LPCAT3: variants seen among roughly 807,000 people sequenced by gnomAD.
LPCAT3 encodes lysophosphatidylcholine acyltransferase 3.
In LPCAT3, 21 loss-of-function variants were observed where a neutral mutation model predicts 63.4. That is an observed-to-expected ratio of 0.33 (90% confidence interval 0.23 to 0.48). LPCAT3 has a LOEUF of 0.48. Ranked by LOEUF, LPCAT3 falls within the 20% of genes least tolerant of loss-of-function variation. The probability of loss-of-function intolerance (pLI) is 0.99; values close to 1 mark genes in which losing one functional copy is unlikely to be tolerated. For synonymous variants in LPCAT3, 242 were observed against 227.5 expected (o/e 1.06, Z -0.58); for missense variants, 451 against 590.6 (o/e 0.76, Z 2.45).
At chr12:6,997,933 G>A (rs1946652507) in intron 1 of LPCAT3, among the ~76,000 whole-genome samples, 1 of 152,124 alleles carries the variant, frequency 6.6e-6, no homozygotes, top group Non-Finnish European at 1.5e-5. Context: ...TCACCATGTT[G>A]GCCAGGCTGG....
At chr12:6,992,758 T>C (rs1555155631) in intron 1 of LPCAT3, among the ~76,000 whole-genome samples, 3 of 152,198 alleles carry the variant, frequency 2.0e-5, no homozygotes, top group Non-Finnish European at 2.9e-5. Context: ...ACTGGTTTCA[T>C]TGGTTTTGAA....
At chr12:7,001,625 A>G (rs1377011739) in intron 1 of LPCAT3, 1 of 412,954 alleles carries the variant, frequency 2.4e-6, no homozygotes, top group African/African-American at 2.1e-5. Context: ...AGGTAGGCAG[A>G]GTTGGCTGGG....
intron 1 of LPCAT3, among the ~76,000 whole-genome samples, chr12:6,983,825 T>C (rs781953187): frequency 6.6e-6 from 1 of 152,272 alleles, no homozygotes; most frequent in East Asian, 1.9e-4. Flanking sequence ...TGCCAGACAT[T>C]TTCTCTTACT....
chr12:6,983,291 T>A, intron 2 of LPCAT3, 141 bp downstream of exon 2: 1 of 657,494 alleles, frequency 1.5e-6, no homozygotes, highest in South Asian at 1.9e-5. Context: ...TTAAGCTGTG[T>A]TCCTCTTCAT....
Position 6,987,284 on chromosome 12 carries a change from G to A in LPCAT3, c.152-3745C>T, listed in dbSNP as rs955055678. On this transcript the variant is annotated intron_variant, in intron 1 of 12. Coordinates refer to ENST00000261407, the MANE Select transcript of LPCAT3 (RefSeq NM_005768.6). The surrounding 1 kb of genome is among the most constrained non-coding windows in gnomAD (Gnocchi z 4.1). Reference sequence around the variant, plus strand: ...TTAGTAAATGCCTGCTATATGCCAGGTATTCTGTTTATGAAGCACGTAATT... The same window carrying A: ...TTAGTAAATGCCTGCTATATGCCAGATATTCTGTTTATGAAGCACGTAATT... Among the ~76,000 whole-genome samples, 2 of 152,262 alleles carry A rather than the reference G, an allele frequency of 1.3e-5. No individual in the cohort carries two copies. Among genetic ancestry groups the A allele is most frequent in the African/African-American group, 4.8e-5 (2 of 41,558 alleles).
intron 6 of LPCAT3, among the ~76,000 whole-genome samples, chr12:6,980,545 A>G (rs782553187): frequency 2.0e-5 from 3 of 150,638 alleles, no homozygotes; most frequent in African/African-American, 7.4e-5. Context: ...TTGTAGAGAC[A>G]GAGTCTCTCT....
At chr12:6,982,534 C>A in intron 3 of LPCAT3, 142 bp downstream of exon 3, 1 of 632,254 alleles carries the variant, frequency 1.6e-6, no homozygotes, top group South Asian at 2.0e-5. Flanking sequence ...TGATAAGCCA[C>A]CTACCTGAAG....
rs781922909 is a variant in LPCAT3 at position 7,003,928 on chromosome 12, C to CAA, written c.151+14344_151+14345dup. On this transcript the variant is annotated intron_variant, in intron 1 of 12. Transcript: ENST00000261407. ...TGGGCGACAGAGCGAGACTCCGTCT[C>CAA]AAAAAAAAAAAAAAAAAAAAAAGAA... 6.6e-3 allele frequency among the ~76,000 whole-genome samples: 413 copies of CAA among 62,350 alleles called. 5 individuals carry two copies. The highest frequency in any genetic ancestry group is 0.035 in the East Asian group (92 of 2,614). The allele number at this position is 62,350 out of a possible 152,430, so 40.9% of individuals were successfully genotyped here. A position where few individuals can be genotyped will look rare whatever the true frequency, so the allele number is the denominator to read the frequency against.
chr12:7,006,499 G>A (rs970113982), intron 1 of LPCAT3, among the ~76,000 whole-genome samples: 17 of 152,174 alleles, frequency 1.1e-4, no homozygotes, highest in African/African-American at 4.1e-4. Context: ...GATTACAGGC[G>A]TGAGCCATGG....
chr12:7,000,756 G>A (rs1475702773), intron 1 of LPCAT3, among the ~76,000 whole-genome samples: 3 of 151,644 alleles, frequency 2.0e-5, no homozygotes, highest in African/African-American at 7.3e-5. Flanking sequence ...GCCCAGGCTA[G>A]AGTGCAGTGG....
At chr12:6,989,313 G>GT (rs113013257) in intron 1 of LPCAT3, among the ~76,000 whole-genome samples, 1,317 of 126,414 alleles carry the variant, frequency 0.01, 11 homozygotes, top group South Asian at 0.029. Flanking sequence ...CAAAATGCGT[G>GT]TTTTTTTTTT....
In LPCAT3 at chr12:6,977,759, T is replaced by A; in HGVS notation, c.1041-14A>T. 1.2e-6 allele frequency: 2 copies of A among 1,613,300 alleles called. No homozygotes were observed. Among genetic ancestry groups the A allele is most frequent in the Non-Finnish European group, 1.7e-6 (2 of 1,179,790 alleles). ...TTGAAGATGTAGCTGGAGAAAAGGG[T>A]GGGTGGGGCGACCCTCAAACTGACT... On this transcript the variant is annotated splice_polypyrimidine_tract_variant and intron_variant, in intron 9 of 12. Transcript: ENST00000261407. The surrounding 1 kb of genome is among the most constrained non-coding windows in gnomAD (Gnocchi z 4.5).
At chr12:7,005,597 T>C (rs60015123) in intron 1 of LPCAT3, among the ~76,000 whole-genome samples, 33,753 of 152,152 alleles carry the variant, frequency 0.22, 7,063 homozygotes, top group African/African-American at 0.55. Context: ...TTCACCAACA[T>C]CTGTTTGTGT....
intron 1 of LPCAT3, among the ~76,000 whole-genome samples, chr12:6,995,502 T>G (rs1555155935): frequency 6.6e-6 from 1 of 151,944 alleles, no homozygotes; most frequent in Non-Finnish European, 1.5e-5. Flanking sequence ...TTTTCCTTCT[T>G]CATATTGGTT....
chr12:6,982,829 G>A (rs782661840), intron 2 of LPCAT3, 47 bp from the exon 3 acceptor site: 27 of 1,247,626 alleles, frequency 2.2e-5, no homozygotes, highest in Admixed American at 1.0e-4. Flanking sequence ...CACTCCCACC[G>A]TCCTGAGACT....
intron 3 of LPCAT3, among the ~76,000 whole-genome samples, chr12:6,982,437 A>T (rs1467275203): frequency 1.3e-5 from 2 of 152,204 alleles, no homozygotes; most frequent in Admixed American, 6.5e-5. Context: ...GCCTAATGGC[A>T]CAGTATGCAA....
In LPCAT3 at chr12:6,976,887, G is replaced by A; in HGVS notation, c.*17C>T. The A allele has an allele frequency of 4.5e-6, 2 of 445,462 alleles. No homozygotes were observed. The highest frequency in any genetic ancestry group is 2.5e-5 in the South Asian group (1 of 40,016). 27.6% of individuals were successfully genotyped at this position (445,462 alleles called of 1,614,324 possible). A position where few individuals can be genotyped will look rare whatever the true frequency, so the allele number is the denominator to read the frequency against. On this transcript the variant is annotated 3_prime_UTR_variant, in exon 13 of 13. Transcript: ENST00000261407. ...TAGTTTCTGCACCAGTCCCGCACAGGCCACCTGCAAGACAAGAGGAGTTTG... is the reference window on the plus strand; with the variant it reads ...TAGTTTCTGCACCAGTCCCGCACAGACCACCTGCAAGACAAGAGGAGTTTG...
intron 1 of LPCAT3, among the ~76,000 whole-genome samples, chr12:6,995,334 C>T (rs1946627608): frequency 6.6e-6 from 1 of 151,912 alleles, no homozygotes; most frequent in Non-Finnish European, 1.5e-5. Context: ...ATTAGCCGGG[C>T]GTGGTGGTGC....
At chr12:6,990,526 A>AAAATAAATAAATAAATAAAT (rs59048377) in intron 1 of LPCAT3, among the ~76,000 whole-genome samples, 1 of 144,404 alleles carries the variant, frequency 6.9e-6, no homozygotes. Context: ...AAATTAAAAT[A>AAAATAAATAAATAAATAAAT]AAATAAATAA....
Sources: allele counts gnomAD v4.1 joint callset (sites outside exome capture counted in the v4.1 genomes callset), GRCh38; gene constraint gnomAD v4.1.1; non-coding constraint Gnocchi (gnomAD v3.1); transcripts MANE v1.5; gene names NCBI Gene and HGNC (gene_info 2026-07-23, HGNC 2026-07-21).